Variants in MACC1 observed in about 807,000 individuals in gnomAD.
MACC1 encodes the protein metastasis-associated in colon cancer protein 1.
Under a neutral mutation model 70.7 loss-of-function variants are expected in MACC1, and 79 were observed. That is an observed-to-expected ratio of 1.12 (90% CI 0.93 to 1.35). MACC1 has a LOEUF of 1.35. Ranked by LOEUF, MACC1 falls within the 40% of genes most tolerant of loss-of-function variation. The pLI is 0.00. For synonymous variants in MACC1, 361 were observed against 347.2 expected (o/e 1.04, Z -0.44); for missense variants, 1,106 against 978.1 (o/e 1.13, Z -1.74).
chr7:20,212,861 G>T (rs905310541), intron 1 of MACC1, among the ~76,000 whole-genome samples: 1 of 151,996 alleles, frequency 6.6e-6, no homozygotes. Flanking sequence ...GGGAGTTCTG[G>T]CCCAGGGAGT....
chr7:20,166,560 G>C (rs910995819), intron 2 of MACC1, among the ~76,000 whole-genome samples: 1 of 152,142 alleles, frequency 6.6e-6, no homozygotes, highest in African/African-American at 2.4e-5. Flanking sequence ...TACTTCAAGT[G>C]TTGCAGCTGA....
chr7:20,206,074 A>AT (rs370148599), intron 1 of MACC1, among the ~76,000 whole-genome samples: 19 of 151,590 alleles, frequency 1.3e-4, no homozygotes, highest in Non-Finnish European at 2.4e-4. Context: ...TTTCTCACAC[A>AT]TTATCGTCAT....
At chr7:20,197,775 C>CA (rs1782777149) in intron 1 of MACC1, among the ~76,000 whole-genome samples, 1 of 152,162 alleles carries the variant, frequency 6.6e-6, no homozygotes, top group South Asian at 2.1e-4. Context: ...TTTATAAACT[C>CA]AATTTCAGGT....
intron 5 of MACC1, among the ~76,000 whole-genome samples, chr7:20,154,974 A>C (rs905565783): frequency 2.6e-5 from 4 of 151,672 alleles, no homozygotes; most frequent in Non-Finnish European, 5.9e-5. Flanking sequence ...TATATATATA[A>C]ATTTATTAAA....
intron 5 of MACC1, among the ~76,000 whole-genome samples, chr7:20,157,259 T>C (rs1782068558): frequency 6.6e-6 from 1 of 152,170 alleles, no homozygotes; most frequent in Non-Finnish European, 1.5e-5. Context: ...AATATGATCT[T>C]GATTTTTTTT....
Position 20,159,854 on chromosome 7 carries a change from C to G in MACC1, c.507G>C (p.Glu169Asp). Residue 169 changes from glutamate (E) to aspartate (D), a missense_variant, in exon 5 of 7, where the codon GAG (glutamate) becomes GAC (aspartate). Transcript: ENST00000400331. ...NSDQILLHDL[E>D]WLKNDREAYK... The stretch of plus-strand genomic sequence containing the variant: ...AAGCCTCCCGATCATTTTTAAGCCA[C>G]TCTAAGTCGTGTAGTAGGATCTGGT... The G allele has an allele frequency of 6.2e-7, 1 of 1,614,124 alleles. No homozygotes were observed. Among genetic ancestry groups the G allele is most frequent in the South Asian group, 1.1e-5 (1 of 91,074 alleles).
At chr7:20,154,051 G>A in intron 6 of MACC1, 142 bp downstream of exon 6, 1 of 744,176 alleles carries the variant, frequency 1.3e-6, no homozygotes, top group East Asian at 2.6e-5. Context: ...TAGTACTGAT[G>A]AGTTACTAGT....
At chr7:20,216,798 GCA>G (rs796656356) in intron 1 of MACC1, among the ~76,000 whole-genome samples, 106 of 152,262 alleles carry the variant, frequency 7.0e-4, no homozygotes, top group African/African-American at 2.5e-3. Context: ...GGTAGGTTAT[GCA>G]CACACACTTT....
chr7:20,162,999 T>A (rs1293924985), intron 3 of MACC1, among the ~76,000 whole-genome samples: 2 of 152,124 alleles, frequency 1.3e-5, no homozygotes, highest in African/African-American at 4.8e-5. Flanking sequence ...ACTAGGACAA[T>A]TTATTTTCAT....
chr7:20,154,284 T>G lies in MACC1; in HGVS notation c.2255A>C (p.Glu752Ala). The change falls in exon 6 of 7, where the codon GAA becomes GCA. Residue 752 changes from glutamate (E) to alanine (A), a missense_variant. Glu to Ala is a moderately radical substitution (Grantham distance 107, BLOSUM62 -1). Coordinates refer to ENST00000400331, the MANE Select transcript of MACC1 (RefSeq NM_182762.4). Reference protein sequence around the residue: ...SAVKLGKGWRELAEKLVRLTK... With the variant: ...SAVKLGKGWRALAEKLVRLTK... ...GAGTCGTACTAACTTTTCAGCTAGTTCCCTCCAGCCTTTTCCAAGCTTGAC... is the reference window on the plus strand; with the variant it reads ...GAGTCGTACTAACTTTTCAGCTAGTGCCCTCCAGCCTTTTCCAAGCTTGAC... 6.2e-7 allele frequency: 1 copy of G among 1,613,984 alleles called. No individual in the cohort carries two copies.
chr7:20,191,141 C>G (rs143591169), intron 1 of MACC1, among the ~76,000 whole-genome samples: 1 of 152,318 alleles, frequency 6.6e-6, no homozygotes, highest in East Asian at 1.9e-4. Context: ...CCACATGAGG[C>G]ATTTCAAGCA....
At chr7:20,155,766 C>A (rs1019011133) in intron 5 of MACC1, among the ~76,000 whole-genome samples, 15 of 152,200 alleles carry the variant, frequency 9.9e-5, no homozygotes, top group African/African-American at 3.6e-4. Context: ...TACATTTATA[C>A]TGAAGAGTTA....
chr7:20,152,764 C>T (rs1254195864), intron 6 of MACC1, among the ~76,000 whole-genome samples: 1 of 152,054 alleles, frequency 6.6e-6, no homozygotes, highest in East Asian at 1.9e-4. Context: ...TATAAACAAC[C>T]ACAATTAGAG....
At chr7:20,210,035 T>C (rs1782973317) in intron 1 of MACC1, among the ~76,000 whole-genome samples, 2 of 152,202 alleles carry the variant, frequency 1.3e-5, no homozygotes, top group Admixed American at 1.3e-4. Flanking sequence ...TGTGGAACAG[T>C]GGAACAGTGA....
intron 1 of MACC1, among the ~76,000 whole-genome samples, chr7:20,195,888 G>T (rs745541671): frequency 2.0e-5 from 3 of 152,176 alleles, no homozygotes; most frequent in Non-Finnish European, 2.9e-5. Flanking sequence ...CATGGCCTTA[G>T]GTCCTGTTTA....
chr7:20,208,475 C>G (rs1018546922), intron 1 of MACC1, among the ~76,000 whole-genome samples: 5 of 152,124 alleles, frequency 3.3e-5, no homozygotes, highest in African/African-American at 1.2e-4. Flanking sequence ...AAAGGTCACT[C>G]CTGGTATGTT....
chr7:20,171,538 G>A (rs1428083843), intron 1 of MACC1, among the ~76,000 whole-genome samples: 1 of 151,016 alleles, frequency 6.6e-6, no homozygotes, highest in African/African-American at 2.4e-5. Context: ...ACAGGCATGA[G>A]CCACCACGCC....
chr7:20,187,931 T>C (rs775551550), intron 1 of MACC1, among the ~76,000 whole-genome samples: 28 of 152,074 alleles, frequency 1.8e-4, no homozygotes, highest in Admixed American at 3.3e-4. Flanking sequence ...TGAGACTGGG[T>C]AATTTATAAA....
At chr7:20,152,452 T>G (rs1781994400) in intron 6 of MACC1, among the ~76,000 whole-genome samples, 1 of 152,186 alleles carries the variant, frequency 6.6e-6, no homozygotes, top group African/African-American at 2.4e-5. Flanking sequence ...TAGCATATAT[T>G]TACCCATTAG....
Sources: allele counts gnomAD v4.1 joint callset (sites outside exome capture counted in the v4.1 genomes callset), GRCh38; gene constraint gnomAD v4.1.1; transcripts MANE v1.5; gene names NCBI Gene and HGNC (gene_info 2026-07-23, HGNC 2026-07-21).